RAPGEF2: variants seen among roughly 807,000 people sequenced by gnomAD.
RAPGEF2 encodes the protein Rap guanine nucleotide exchange factor 2, also known as PDZ domain containing guanine nucleotide exchange factor (GEF) 1.
A neutral mutation model predicts 186.7 loss-of-function variants in RAPGEF2; 54 were observed. The observed-to-expected ratio is 0.29, with a 90% CI of 0.23 to 0.36. RAPGEF2 has a LOEUF of 0.36. RAPGEF2 is among the 10% of genes least tolerant of loss of function. The pLI is 1.00. For synonymous variants in RAPGEF2, 712 were observed against 705.9 expected (o/e 1.01, Z -0.14); for missense variants, 1,532 against 2,045.0 (o/e 0.75, Z 4.84).
chr4:159,171,684 A>AT (rs35888836), intron 1 of RAPGEF2, among the ~76,000 whole-genome samples: 73,703 of 150,600 alleles, frequency 0.49, 19,830 homozygotes, highest in African/African-American at 0.73. Flanking sequence ...TGTCTCTTAA[A>AT]TTTTTTTTTT....
At chr4:159,166,618 A>G (rs925022380) in intron 1 of RAPGEF2, among the ~76,000 whole-genome samples, 4 of 151,964 alleles carry the variant, frequency 2.6e-5, no homozygotes, top group African/African-American at 9.7e-5. Context: ...TTTCCTAGGG[A>G]TTGTGGGGAG....
At position 159,301,480 on chromosome 4, in the gene RAPGEF2, G is replaced by A. The variant is rs1411645408; in HGVS notation, c.544-2862G>A. 3.3e-5 allele frequency among the ~76,000 whole-genome samples: 5 copies of A among 152,034 alleles called. No homozygotes were observed. The East Asian group carries it at 9.6e-4, about 29-fold the overall frequency. ...ATTCTTACATATCTCATATTAAAAGGCATTTAATCAATGCTAATTTATATA... is the reference window on the plus strand; with the variant it reads ...ATTCTTACATATCTCATATTAAAAGACATTTAATCAATGCTAATTTATATA... On this transcript the variant is annotated intron_variant, in intron 7 of 29. Coordinates refer to ENST00000691494, the MANE Select transcript of RAPGEF2 (RefSeq NM_001394067.2).
At chr4:159,135,762 G>T (rs1741651536) in intron 1 of RAPGEF2, among the ~76,000 whole-genome samples, 1 of 151,982 alleles carries the variant, frequency 6.6e-6, no homozygotes, top group Non-Finnish European at 1.5e-5. Context: ...ACTATGCCTG[G>T]CCAATTTTTG....
At chr4:159,173,277 A>G (rs778390050) in intron 1 of RAPGEF2, among the ~76,000 whole-genome samples, 1 of 152,210 alleles carries the variant, frequency 6.6e-6, no homozygotes, top group Non-Finnish European at 1.5e-5. Flanking sequence ...CTAAGAGGCA[A>G]TAAAGAACTG....
chr4:159,280,053 C>T (rs1759481921), intron 7 of RAPGEF2, among the ~76,000 whole-genome samples: 1 of 152,138 alleles, frequency 6.6e-6, no homozygotes, highest in Non-Finnish European at 1.5e-5. Flanking sequence ...TGAAATTTCC[C>T]ATCCATATGG....
At chr4:159,106,356 CT>C (rs1412589788) in intron 1 of RAPGEF2, among the ~76,000 whole-genome samples, 2 of 152,252 alleles carry the variant, frequency 1.3e-5, no homozygotes, top group South Asian at 2.1e-4. Flanking sequence ...CGTTTTCCAT[CT>C]TTACCTGACT....
chr4:159,293,689 G>A (rs1761535686), intron 7 of RAPGEF2, among the ~76,000 whole-genome samples: 1 of 152,244 alleles, frequency 6.6e-6, no homozygotes, highest in African/African-American at 2.4e-5. Flanking sequence ...TTCAAACACA[G>A]TAGACTTTCT....
intron 24 of RAPGEF2, 93 bp downstream of exon 24, chr4:159,345,422 TGC>T (rs756043879): frequency 2.5e-4 from 279 of 1,126,170 alleles, no homozygotes; most frequent in Non-Finnish European, 3.5e-4. Flanking sequence ...TAAGGCTTAG[TGC>T]AGAGGGGGAG....
chr4:159,194,514 C>T (rs1748425788), intron 3 of RAPGEF2, among the ~76,000 whole-genome samples: 1 of 152,156 alleles, frequency 6.6e-6, no homozygotes. Flanking sequence ...CTCTCCCCTC[C>T]CAGCTCCAAC....
chr4:159,148,564 G>T (rs558166216), intron 1 of RAPGEF2, among the ~76,000 whole-genome samples: 1 of 152,116 alleles, frequency 6.6e-6, no homozygotes, highest in African/African-American at 2.4e-5. Flanking sequence ...AACACATATG[G>T]TGGTCCATGT....
chr4:159,324,302 A>G (rs1765639561), intron 11 of RAPGEF2, among the ~76,000 whole-genome samples: 1 of 152,202 alleles, frequency 6.6e-6, no homozygotes, highest in African/African-American at 2.4e-5. Context: ...TGCTGGGATT[A>G]CAGGCGTGAG....
chr4:159,216,590 A>G (rs541703154), intron 4 of RAPGEF2, among the ~76,000 whole-genome samples: 10 of 152,192 alleles, frequency 6.6e-5, no homozygotes, highest in African/African-American at 2.2e-4. Context: ...ATGCAAGTGT[A>G]GTTTAGGGAG....
At chr4:159,206,503 A>G (rs1446827945) in intron 3 of RAPGEF2, among the ~76,000 whole-genome samples, 2 of 152,210 alleles carry the variant, frequency 1.3e-5, no homozygotes, top group Non-Finnish European at 2.9e-5. Flanking sequence ...TGCTGCTGCT[A>G]CTACTAAGTA....
intron 7 of RAPGEF2, among the ~76,000 whole-genome samples, chr4:159,251,970 C>T (rs1057170351): frequency 2.4e-4 from 37 of 152,096 alleles, no homozygotes; most frequent in African/African-American, 8.7e-4. Flanking sequence ...TGCAGCTTCC[C>T]TCCTGAAGTC....
intron 3 of RAPGEF2, among the ~76,000 whole-genome samples, chr4:159,201,927 A>T (rs1353708681): frequency 6.6e-6 from 1 of 152,028 alleles, no homozygotes; most frequent in Non-Finnish European, 1.5e-5. Context: ...CTCGATGATG[A>T]TTCCTGTCTC....
chr4:159,198,661 G>T (rs1272032450), intron 3 of RAPGEF2, among the ~76,000 whole-genome samples: 1 of 151,282 alleles, frequency 6.6e-6, no homozygotes, highest in Non-Finnish European at 1.5e-5. Flanking sequence ...GGCCAGGCTG[G>T]TCTCAAACTC....
chr4:159,294,506 T>C (rs1454823218), intron 7 of RAPGEF2, among the ~76,000 whole-genome samples: 2 of 152,208 alleles, frequency 1.3e-5, no homozygotes, highest in Admixed American at 1.3e-4. Context: ...TACCAGTATT[T>C]CTATATTAAT....
At chr4:159,163,478 G>C (rs1442600607) in intron 1 of RAPGEF2, among the ~76,000 whole-genome samples, 1 of 152,170 alleles carries the variant, frequency 6.6e-6, no homozygotes, top group African/African-American at 2.4e-5. Flanking sequence ...TAAAAGCTCA[G>C]TGAAAATTCA....
At position 159,341,940 on chromosome 4, in the gene RAPGEF2, A is replaced by C. The variant is rs1191097889; in HGVS notation, c.2911A>C (p.Ile971Leu). The C allele has an allele frequency of 2.5e-6, 4 of 1,589,394 alleles. No homozygotes were observed. Among genetic ancestry groups the C allele is most frequent in the Non-Finnish European group, 3.4e-6 (4 of 1,169,800 alleles). ...ECKNFNSMFA[I>L]ISGLNLAPVA... The stretch of plus-strand genomic sequence containing the variant: ...CAAGAATTTTAACTCAATGTTTGCA[A>C]TCATCAGGTAAGAGAGCACATTTTT... Residue 971 changes from isoleucine to leucine, a missense_variant, in exon 20 of 30, where the codon ATC becomes CTC. This residue lies in a region of RAPGEF2 where 810 missense variants were observed against 1,210.5 expected (regional missense o/e 0.67). Coordinates refer to ENST00000691494, the MANE Select transcript of RAPGEF2 (RefSeq NM_001394067.2).
Sources: gnomAD v4.1 joint callset for allele counts (sites outside exome capture counted in the v4.1 genomes callset) on GRCh38, gnomAD v4.1.1 for gene constraint, gnomAD v4.1.1 regional missense constraint, MANE v1.5 for transcripts, NCBI Gene and HGNC (gene_info 2026-07-23, HGNC 2026-07-21) for gene names.